The following ZEB2 variants were observed in gnomAD, a reference collection of about 807,000 sequenced individuals.
The protein encoded by ZEB2 is zinc finger E-box-binding homeobox 2.
A neutral mutation model predicts 99.9 loss-of-function variants in ZEB2; 6 were observed. That is an observed-to-expected ratio of 0.06 (90% CI 0.03 to 0.12). The LOEUF (loss-of-function observed/expected upper bound fraction) is 0.12, where lower values mean the gene tolerates loss of function less well. Among genes scored for constraint, ZEB2 ranks in the 10% least tolerant of loss-of-function variants. The pLI is 1.00. For synonymous variants in ZEB2, 517 were observed against 542.5 expected, an observed-to-expected ratio of 0.95 and a Z score of 0.65; for missense variants, 969 against 1,502.8, an observed-to-expected ratio of 0.64 and a Z score of 5.87.
At chr2:144,440,308 T>C (rs1434957209) in intron 2 of ZEB2, among the ~76,000 whole-genome samples, 1 of 152,054 alleles carries the variant, frequency 6.6e-6, no homozygotes, top group East Asian at 1.9e-4. Context: ...CTTTGTACAA[T>C]TGATCATTTT....
chr2:144,445,839 C>A (rs190337030), intron 2 of ZEB2, among the ~76,000 whole-genome samples: 1 of 152,260 alleles, frequency 6.6e-6, no homozygotes, highest in East Asian at 1.9e-4. Flanking sequence ...CTAGGACTTT[C>A]CACTTTGGGG....
chr2:144,403,877 G>T (rs750882374), intron 6 of ZEB2, 39 bp downstream of exon 6: 1 of 1,609,290 alleles, frequency 6.2e-7, no homozygotes, highest in Non-Finnish European at 8.5e-7. Flanking sequence ...TCTCTAAGGG[G>T]TTATTATAGA....
At chr2:144,469,029 G>A (rs960614515) in intron 2 of ZEB2, among the ~76,000 whole-genome samples, 2 of 152,046 alleles carry the variant, frequency 1.3e-5, no homozygotes, top group African/African-American at 4.8e-5. Flanking sequence ...TTGCCAAGCA[G>A]TTCTTTCTGA....
chr2:144,507,182 T>C (rs936352651), intron 2 of ZEB2, among the ~76,000 whole-genome samples: 2 of 152,344 alleles, frequency 1.3e-5, no homozygotes, highest in African/African-American at 2.4e-5. Context: ...ACTGTAGAAT[T>C]AGACCTCTTC....
chr2:144,513,748 A>C, intron 2 of ZEB2: 1 of 1,536,116 alleles, frequency 6.5e-7, no homozygotes, highest in African/African-American at 1.4e-5. Flanking sequence ...ACCGGTGGCA[A>C]GCAGCAGCAG....
At chr2:144,453,111 C>T (rs1704076789) in intron 2 of ZEB2, among the ~76,000 whole-genome samples, 1 of 152,186 alleles carries the variant, frequency 6.6e-6, no homozygotes, top group Non-Finnish European at 1.5e-5. Context: ...TCAAAACAAA[C>T]AATCTGTTAA....
At chr2:144,486,766 A>T (rs1283532839) in intron 2 of ZEB2, among the ~76,000 whole-genome samples, 1 of 152,194 alleles carries the variant, frequency 6.6e-6, no homozygotes, top group Non-Finnish European at 1.5e-5. Context: ...AGTACCTTTG[A>T]TATTAAAAAC....
chr2:144,457,291 T>C (rs1704133632), intron 2 of ZEB2, among the ~76,000 whole-genome samples: 1 of 152,152 alleles, frequency 6.6e-6, no homozygotes, highest in Non-Finnish European at 1.5e-5. Flanking sequence ...ATTTTATAGA[T>C]GAGTAAATTG....
chr2:144,438,030 C>A (rs1213492504), intron 2 of ZEB2, among the ~76,000 whole-genome samples: 1 of 152,148 alleles, frequency 6.6e-6, no homozygotes, highest in Non-Finnish European at 1.5e-5. Context: ...AATTAAACCA[C>A]CTCCCCTCAA....
chr2:144,407,572 C>G (rs1391629984), intron 4 of ZEB2, among the ~76,000 whole-genome samples: 1 of 152,162 alleles, frequency 6.6e-6, no homozygotes, highest in Non-Finnish European at 1.5e-5. Context: ...AAAAAATCAC[C>G]TTTTACTTTT....
At chr2:144,403,701 A>G (rs915822568) in intron 6 of ZEB2, among the ~76,000 whole-genome samples, 2 of 152,232 alleles carry the variant, frequency 1.3e-5, no homozygotes, top group Non-Finnish European at 2.9e-5. Context: ...TCTAAATTAG[A>G]AATTAACACA....
chr2:144,420,448 C>A (rs1422455112), intron 4 of ZEB2, among the ~76,000 whole-genome samples: 3 of 152,094 alleles, frequency 2.0e-5, no homozygotes, highest in African/African-American at 7.2e-5. Flanking sequence ...GGCTAGAGAA[C>A]AAGGTCAGCC....
intron 2 of ZEB2, among the ~76,000 whole-genome samples, chr2:144,430,348 CA>C (rs1277568152): frequency 1.3e-5 from 2 of 152,026 alleles, no homozygotes; most frequent in African/African-American, 2.4e-5. Flanking sequence ...CGATACTCCA[CA>C]AAAACTTATA....
At chr2:144,417,799 C>T (rs1218656728) in intron 4 of ZEB2, among the ~76,000 whole-genome samples, 1 of 152,068 alleles carries the variant, frequency 6.6e-6, no homozygotes, top group Non-Finnish European at 1.5e-5. Context: ...AAATGTAGTG[C>T]ATATTTCAGA....
chr2:144,395,398 T>C (rs574103548), intron 9 of ZEB2, among the ~76,000 whole-genome samples: 3 of 152,084 alleles, frequency 2.0e-5, no homozygotes, highest in Non-Finnish European at 4.4e-5. Context: ...TTTTCCTCCA[T>C]ATTGAAATGT....
At chr2:144,465,031 T>C (rs925304744) in intron 2 of ZEB2, among the ~76,000 whole-genome samples, 16 of 152,120 alleles carry the variant, frequency 1.1e-4, no homozygotes, top group Non-Finnish European at 2.4e-4. Context: ...CAGAAACACC[T>C]CACTTGTCCA....
At chr2:144,428,871 A>C (rs2149890719) in intron 3 of ZEB2, 1 of 152,298 alleles carries the variant, frequency 6.6e-6, no homozygotes, top group South Asian at 2.1e-4. Flanking sequence ...AGGTGGGGTA[A>C]ACAATGATAA....
At chr2:144,391,591 T>C (rs1005940902) in intron 9 of ZEB2, among the ~76,000 whole-genome samples, 26 of 152,218 alleles carry the variant, frequency 1.7e-4, no homozygotes, top group African/African-American at 3.9e-4. Flanking sequence ...AAAGATAGCA[T>C]GCTTTTCCAT....
chr2:144,456,924 T>G (rs1704128618), intron 2 of ZEB2, among the ~76,000 whole-genome samples: 1 of 152,034 alleles, frequency 6.6e-6, no homozygotes, highest in African/African-American at 2.4e-5. Flanking sequence ...GACCTCGAAG[T>G]TTCCCTCCTG....
Sources: gnomAD v4.1 joint callset for allele counts (sites outside exome capture counted in the v4.1 genomes callset) on GRCh38, gnomAD v4.1.1 for gene constraint, MANE v1.5 for transcripts, NCBI Gene and HGNC (gene_info 2026-07-23, HGNC 2026-07-21) for gene names.